Variants in CCDC30 observed in about 807,000 individuals in gnomAD.
CCDC30 encodes coiled-coil domain-containing protein 30.
In CCDC30, 70 loss-of-function variants were observed where a neutral mutation model predicts 100.2. That is an observed-to-expected ratio of 0.70 (90% CI 0.58 to 0.85). CCDC30 has a LOEUF of 0.85. Among genes scored for constraint, CCDC30 ranks in the 40% least tolerant of loss-of-function variants. The pLI is 0.00. For missense variants in CCDC30, 652 were observed against 771.2 expected, an observed-to-expected ratio of 0.85 and a Z score of 1.83; for synonymous variants, 233 against 269.5, an observed-to-expected ratio of 0.86 and a Z score of 1.33.
intron 4 of CCDC30, among the ~76,000 whole-genome samples, chr1:42,496,124 TGTGTGTG>T (rs1644228650): frequency 9.5e-4 from 1 of 1,058 alleles, no homozygotes; most frequent in African/African-American, 1.1e-3. Flanking sequence ...ATTTGTGGAG[TGTGTGTG>T]TGTGTGTGTG....
In CCDC30 at chr1:42,598,906, C is replaced by T. The variant is rs552068472; in HGVS notation, c.1164+9423C>T. On this transcript the variant is annotated intron_variant, in intron 10 of 16. Transcript: ENST00000668663. ...TGAGACTCTGTCTCAACAACAACAA[C>T]AAAAATTGTTTCTAAGTGAAGGAGA... 3.3e-5 allele frequency among the ~76,000 whole-genome samples: 5 copies of T among 152,080 alleles called. No individual in the cohort carries two copies. The South Asian group carries it at 1.0e-3, about 32-fold the overall frequency.
intron 1 of CCDC30, among the ~76,000 whole-genome samples, chr1:42,477,548 A>G (rs1643897833): frequency 6.6e-6 from 1 of 152,178 alleles, no homozygotes; most frequent in South Asian, 2.1e-4. Context: ...GATGATTGAT[A>G]AATAGGAGAA....
intron 6 of CCDC30, among the ~76,000 whole-genome samples, chr1:42,503,702 A>T (rs188788917): frequency 2.6e-5 from 4 of 152,156 alleles, no homozygotes; most frequent in Admixed American, 6.5e-5. Context: ...CTGCAGCTCA[A>T]TTTTACAGGC....
intron 11 of CCDC30, among the ~76,000 whole-genome samples, chr1:42,618,758 T>G (rs1330872534): frequency 2.0e-5 from 3 of 152,232 alleles, no homozygotes; most frequent in Non-Finnish European, 4.4e-5. Context: ...ATCTTGTTTT[T>G]GCTTCACCAT....
intron 4 of CCDC30, chr1:42,491,919 A>C: frequency 1.7e-6 from 1 of 591,516 alleles, no homozygotes; most frequent in Admixed American, 2.8e-5. Flanking sequence ...TGCATCTGAT[A>C]GCCTCAAGCG....
chr1:42,633,447 C>T (rs1647080094), intron 11 of CCDC30, among the ~76,000 whole-genome samples: 1 of 152,180 alleles, frequency 6.6e-6, no homozygotes, highest in Admixed American at 6.5e-5. Flanking sequence ...TCTAATCATA[C>T]CTTAGAATCC....
chr1:42,568,518 G>A (rs79586713), intron 7 of CCDC30, among the ~76,000 whole-genome samples: 3 of 152,068 alleles, frequency 2.0e-5, no homozygotes, highest in Admixed American at 1.3e-4. Flanking sequence ...TATAGAGTCA[G>A]AACTTGTCAA....
At chr1:42,475,114 T>C (rs1643868856) in intron 1 of CCDC30, among the ~76,000 whole-genome samples, 1 of 152,136 alleles carries the variant, frequency 6.6e-6, no homozygotes, top group Admixed American at 6.6e-5. Flanking sequence ...AGATTGGGAC[T>C]GTCCCAGAAA....
intron 3 of CCDC30, among the ~76,000 whole-genome samples, chr1:42,484,809 T>A (rs1027073947): frequency 2.0e-5 from 3 of 152,100 alleles, no homozygotes; most frequent in Non-Finnish European, 4.4e-5. Flanking sequence ...AATGAAAAAT[T>A]TTTTCAGTGA....
intron 6 of CCDC30, among the ~76,000 whole-genome samples, chr1:42,499,262 A>T (rs898117651): frequency 2.6e-5 from 4 of 152,170 alleles, no homozygotes; most frequent in African/African-American, 9.7e-5. Flanking sequence ...TCAGCCTCTG[A>T]AGTGGTGAGC....
intron 7 of CCDC30, among the ~76,000 whole-genome samples, chr1:42,569,478 C>T (rs887672200): frequency 1.8e-4 from 27 of 152,182 alleles, no homozygotes; most frequent in Admixed American, 5.9e-4. Context: ...CAGGAAACAA[C>T]AGATGCTGGC....
rs531542606 is a variant in CCDC30 at position 42,569,048 on chromosome 1, G to A, written c.636+2573G>A. 7 of 152,194 alleles carry A rather than the reference G, an allele frequency of 4.6e-5. No individual in the cohort carries two copies. In the East Asian group the frequency reaches 1.2e-3, roughly 25 times the overall value. The allele number at this position is 152,194 out of a possible 1,614,324, so 9.4% of individuals were successfully genotyped here. A position where few individuals can be genotyped will look rare whatever the true frequency, so the allele number is the denominator to read the frequency against. On this transcript the variant is annotated intron_variant, in intron 7 of 16. Coordinates refer to ENST00000668663, the Ensembl canonical transcript of CCDC30. ...ACAAAAACACATGCTCACTTTAGCAGCACATATACTAAAACTGGAATGATA... is the reference window on the plus strand; with the variant it reads ...ACAAAAACACATGCTCACTTTAGCAACACATATACTAAAACTGGAATGATA...
intron 1 of CCDC30, chr1:42,473,328 T>A: frequency 8.6e-7 from 1 of 1,165,124 alleles, no homozygotes; most frequent in Non-Finnish European, 1.1e-6. Flanking sequence ...CATAGAATTT[T>A]AAAGACACCT....
intron 14 of CCDC30, among the ~76,000 whole-genome samples, chr1:42,645,721 A>C (rs781398415): frequency 2.9e-4 from 44 of 151,972 alleles, no homozygotes; most frequent in African/African-American, 5.3e-4. Context: ...GTGTGGCTTG[A>C]TATCCAGTAA....
At chr1:42,561,792 ATTC>A (rs1645493599) in intron 6 of CCDC30, among the ~76,000 whole-genome samples, 1 of 152,238 alleles carries the variant, frequency 6.6e-6, no homozygotes, top group African/African-American at 2.4e-5. Context: ...AACCACAAGT[ATTC>A]CTTTACACCA....
At chr1:42,603,738 G>A (rs1256984088) in intron 10 of CCDC30, among the ~76,000 whole-genome samples, 1 of 152,136 alleles carries the variant, frequency 6.6e-6, no homozygotes, top group Non-Finnish European at 1.5e-5. Flanking sequence ...AAAACTAAAT[G>A]TACTCTTACC....
intron 11 of CCDC30, among the ~76,000 whole-genome samples, chr1:42,636,507 C>A (rs940578794): frequency 1.4e-4 from 22 of 152,034 alleles, no homozygotes; most frequent in African/African-American, 5.3e-4. Flanking sequence ...TATCACTGTC[C>A]AAGATACAGC....
upstream of CCDC30, chr1:42,459,228 A>G (rs1327253536): frequency 5.5e-6 from 1 of 180,272 alleles, no homozygotes; most frequent in Non-Finnish European, 1.2e-5. Flanking sequence ...AGTGGCATGA[A>G]CACAGCTCAC....
intron 6 of CCDC30, among the ~76,000 whole-genome samples, chr1:42,529,397 A>G (rs1325756440): frequency 3.3e-5 from 5 of 152,166 alleles, no homozygotes; most frequent in East Asian, 1.9e-4. Context: ...GCTTGAAACC[A>G]GAAGACAGAG....
Sources: gnomAD v4.1 joint callset for allele counts (sites outside exome capture counted in the v4.1 genomes callset) on GRCh38, gnomAD v4.1.1 for gene constraint, MANE v1.5 for transcripts, NCBI Gene and HGNC (gene_info 2026-07-23, HGNC 2026-07-21) for gene names.